Variants in SLIT2 observed in about 807,000 individuals in gnomAD.
SLIT2 encodes the protein slit guidance ligand 2.
Under a neutral mutation model 185.7 loss-of-function variants are expected in SLIT2, and 41 were observed. The ratio of observed to expected loss-of-function variants is 0.22; its 90% CI spans 0.17 to 0.29. The LOEUF is 0.29. Among genes scored for constraint, SLIT2 ranks in the 10% least tolerant of loss-of-function variants. SLIT2 has a pLI of 1.00. For missense variants in SLIT2, 1,571 were observed against 1,909.0 expected (o/e 0.82, Z 3.30); for synonymous variants, 693 against 680.2 (o/e 1.02, Z -0.29).
chr4:20,390,953 A>C lies in SLIT2; in HGVS notation c.396-76799A>C, dbSNP rs76834856. On this transcript the variant is annotated intron_variant, in intron 4 of 36. Transcript: ENST00000504154. ...CAAGTTCATTGGAAAAAATACACAA[A>C]GTATCTGAATGCATAATCTTACATA... 3.9e-3 allele frequency among the ~76,000 whole-genome samples: 599 copies of C among 152,098 alleles called. 5 individuals are homozygous for C. Among genetic ancestry groups the C allele is most frequent in the African/African-American group, 0.014 (575 of 41,538 alleles).
At chr4:20,370,616 G>A (rs1345906286) in intron 4 of SLIT2, among the ~76,000 whole-genome samples, 1 of 152,058 alleles carries the variant, frequency 6.6e-6, no homozygotes, top group Admixed American at 6.6e-5. Context: ...AGGTGTGAAA[G>A]GAAATTTACT....
intron 4 of SLIT2, among the ~76,000 whole-genome samples, chr4:20,446,035 G>A (rs564234567): frequency 4.6e-5 from 7 of 152,310 alleles, no homozygotes; most frequent in Admixed American, 4.6e-4. Context: ...ATAGAAACCA[G>A]CTGTTCCCAT....
rs561204848 is a variant in SLIT2, at chr4:20,607,401, T to C, written c.3693-2612T>C. ...GGAGTATTGCTAAAAACAATTGATA[T>C]ATGTTATTCCTAATACATCTCTCTT... On this transcript the variant is annotated intron_variant, in intron 33 of 36. Coordinates refer to ENST00000504154, the MANE Select transcript of SLIT2 (RefSeq NM_004787.4). 5.3e-5 allele frequency among the ~76,000 whole-genome samples: 8 copies of C among 152,312 alleles called. No individual in the cohort carries two copies. The South Asian group carries it at 1.0e-3, about 20-fold the overall frequency.
chr4:20,538,832 T>C (rs2148873365), intron 18 of SLIT2, among the ~76,000 whole-genome samples: 1 of 152,006 alleles, frequency 6.6e-6, no homozygotes, highest in South Asian at 2.1e-4. Flanking sequence ...TAAAACTTTA[T>C]TGTGGATATG....
At chr4:20,307,807 T>A (rs1329159511) in intron 4 of SLIT2, among the ~76,000 whole-genome samples, 1 of 152,148 alleles carries the variant, frequency 6.6e-6, no homozygotes, top group East Asian at 1.9e-4. Flanking sequence ...AGGACATGAA[T>A]CTCACAGGCA....
intron 9 of SLIT2, among the ~76,000 whole-genome samples, chr4:20,495,060 A>C (rs1040041276): frequency 6.6e-6 from 1 of 152,138 alleles, no homozygotes; most frequent in African/African-American, 2.4e-5. Flanking sequence ...GGTCTGAGAG[A>C]AGGTCTTGGA....
At chr4:20,538,995 A>C (rs1722564529) in intron 18 of SLIT2, among the ~76,000 whole-genome samples, 1 of 152,146 alleles carries the variant, frequency 6.6e-6, no homozygotes, top group African/African-American at 2.4e-5. Context: ...TAAGTCCCTG[A>C]GATGCCCTCA....
At chr4:20,473,806 G>A (rs569576961) in intron 5 of SLIT2, among the ~76,000 whole-genome samples, 1 of 152,100 alleles carries the variant, frequency 6.6e-6, no homozygotes, top group African/African-American at 2.4e-5. Context: ...GAATCAATAT[G>A]TAACAAACAG....
chr4:20,571,486 A>G (rs1457464758), intron 29 of SLIT2, among the ~76,000 whole-genome samples: 1 of 152,172 alleles, frequency 6.6e-6, no homozygotes, highest in Non-Finnish European at 1.5e-5. Context: ...CATTTACAAA[A>G]TTTCTAACAA....
chr4:20,562,801 A>G (rs556677843), intron 26 of SLIT2, among the ~76,000 whole-genome samples: 3 of 151,814 alleles, frequency 2.0e-5, no homozygotes, highest in Non-Finnish European at 1.5e-5. Flanking sequence ...CCCAACATCA[A>G]ATATCCCCAG....
chr4:20,526,402 A>G lies in SLIT2; in HGVS notation c.1462+1230A>G, dbSNP rs139717341. Among the ~76,000 whole-genome samples the G allele has an allele frequency of 2.6e-5, 4 of 152,200 alleles. No individual in the cohort carries two copies. In the East Asian group the frequency reaches 7.7e-4, roughly 29 times the overall value. On this transcript the variant is annotated intron_variant, in intron 15 of 36. Coordinates refer to ENST00000504154, the MANE Select transcript of SLIT2 (RefSeq NM_004787.4). ...ATGTTTAATATTAATTACTTTACCC[A>G]ATTAAGTGGAAAGTAATCTGATAGC...
intron 4 of SLIT2, among the ~76,000 whole-genome samples, chr4:20,433,797 T>C (rs1176558796): frequency 6.6e-6 from 1 of 152,206 alleles, no homozygotes; most frequent in Non-Finnish European, 1.5e-5. Flanking sequence ...TCACACATGC[T>C]CTATATACTA....
chr4:20,346,286 A>G (rs1432549921), intron 4 of SLIT2, among the ~76,000 whole-genome samples: 1 of 152,058 alleles, frequency 6.6e-6, no homozygotes, highest in Non-Finnish European at 1.5e-5. Flanking sequence ...ATGAGCCATC[A>G]CTCCGGGCCA....
chr4:20,490,398 CA>C (rs1474355068), intron 8 of SLIT2, among the ~76,000 whole-genome samples: 17 of 138,722 alleles, frequency 1.2e-4, no homozygotes. Flanking sequence ...TGCACACACA[CA>C]CCCCCATACA....
chr4:20,368,219 C>CAAAAAAAAAAAAAAGAAAAAAAAAAAAA (rs1723273594), intron 4 of SLIT2, among the ~76,000 whole-genome samples: 5 of 107,430 alleles, frequency 4.7e-5, no homozygotes, highest in Non-Finnish European at 5.6e-5. Context: ...CACAAAATAG[C>CAAAAAAAAAAAAAAGAAAAAAAAAAAAA]AAAAAAAAAA....
intron 4 of SLIT2, among the ~76,000 whole-genome samples, chr4:20,323,426 TTTAAA>T (rs1719273800): frequency 6.6e-6 from 1 of 152,200 alleles, no homozygotes; most frequent in Admixed American, 6.5e-5. Context: ...ATGGCAGAGC[TTTAAA>T]TTGAATTGAA....
chr4:20,369,644 A>G (rs1723415274), intron 4 of SLIT2, among the ~76,000 whole-genome samples: 1 of 152,052 alleles, frequency 6.6e-6, no homozygotes, highest in African/African-American at 2.4e-5. Flanking sequence ...CACAGGAACC[A>G]CTGGGTCTCC....
At chr4:20,581,004 T>A (rs1726515048) in intron 29 of SLIT2, among the ~76,000 whole-genome samples, 1 of 152,212 alleles carries the variant, frequency 6.6e-6, no homozygotes, top group African/African-American at 2.4e-5. Flanking sequence ...GAAAGTTTTA[T>A]TCCCCGCTGT....
In SLIT2 at chr4:20,553,903, C is replaced by T. The variant is rs771189131; in HGVS notation, c.2660C>T (p.Ala887Val). The T allele has an allele frequency of 1.2e-6, 2 of 1,612,946 alleles. No homozygotes were observed. The highest frequency in any genetic ancestry group is 2.2e-5 in the South Asian group (2 of 90,812). Residue 887 changes from alanine to valine, a missense_variant, in exon 26 of 37, where the codon GCT becomes GTT. Physicochemically the swap from Ala to Val is moderately conservative, Grantham distance 64. Coordinates refer to ENST00000504154, the MANE Select transcript of SLIT2 (RefSeq NM_004787.4). ...AAGGAGCCTGGAATTGCTCGTTGTG[C>T]TGGTCCTGGAGAAATGGCAGATAAA... ...EYKEPGIARC[A>V]GPGEMADKLL...
Sources: gnomAD v4.1 joint callset for allele counts (sites outside exome capture counted in the v4.1 genomes callset) on GRCh38, gnomAD v4.1.1 for gene constraint, MANE v1.5 for transcripts, NCBI Gene and HGNC (gene_info 2026-07-23, HGNC 2026-07-21) for gene names.